ACOXL: variants seen among roughly 807,000 people sequenced by gnomAD.
The protein encoded by ACOXL is acyl-CoA oxidase like.
Under a neutral mutation model 71.9 loss-of-function variants are expected in ACOXL, and 70 were observed. That is an observed-to-expected ratio of 0.97 (90% confidence interval 0.80 to 1.19). ACOXL has a LOEUF of 1.19. ACOXL is among the 50% of genes most tolerant of loss of function. The pLI is 0.00. For missense variants in ACOXL, 703 were observed against 736.3 expected, an observed-to-expected ratio of 0.95 and a Z score of 0.52; for synonymous variants, 253 against 281.6, an observed-to-expected ratio of 0.90 and a Z score of 1.02.
At chr2:111,077,878 T>C (rs954580987) in intron 16 of ACOXL, among the ~76,000 whole-genome samples, 6 of 152,206 alleles carry the variant, frequency 3.9e-5, no homozygotes, top group South Asian at 2.1e-4. Context: ...GATTATGATG[T>C]GTCTAGGCAT....
At chr2:110,893,826 T>G (rs2058891387) in intron 10 of ACOXL, among the ~76,000 whole-genome samples, 1 of 152,192 alleles carries the variant, frequency 6.6e-6, no homozygotes. Context: ...TTGAGATGTC[T>G]GTAATTGTGC....
intron 10 of ACOXL, among the ~76,000 whole-genome samples, chr2:110,882,488 A>AT (rs997739048): frequency 6.6e-6 from 1 of 151,692 alleles, no homozygotes; most frequent in Non-Finnish European, 1.5e-5. Context: ...CCAACATATT[A>AT]TTTTTTTTCT....
At chr2:110,943,610 A>G (rs571514325) in intron 12 of ACOXL, among the ~76,000 whole-genome samples, 1 of 152,186 alleles carries the variant, frequency 6.6e-6, no homozygotes, top group Non-Finnish European at 1.5e-5. Flanking sequence ...GCATTTGCAC[A>G]CAGGTCCTAT....
intron 9 of ACOXL, 105 bp downstream of exon 9, chr2:110,805,500 A>G (rs1198207698): frequency 2.7e-6 from 4 of 1,502,526 alleles, no homozygotes; most frequent in African/African-American, 1.4e-5. Context: ...CAGTTGGTAT[A>G]ATATGGCCAG....
intron 10 of ACOXL, among the ~76,000 whole-genome samples, chr2:110,890,306 C>T (rs544519129): frequency 2.0e-3 from 295 of 151,094 alleles, no homozygotes; most frequent in African/African-American, 6.5e-3. Context: ...ATGACGACAT[C>T]CTTGGAAGCA....
chr2:110,903,086 C>T (rs1230558614), intron 10 of ACOXL, among the ~76,000 whole-genome samples: 1 of 152,186 alleles, frequency 6.6e-6, no homozygotes. Context: ...TCTCAGAGTC[C>T]AGGGTGAGGC....
chr2:111,036,190 G>T (rs2065502801), intron 15 of ACOXL, among the ~76,000 whole-genome samples: 2 of 152,234 alleles, frequency 1.3e-5, no homozygotes, highest in African/African-American at 4.8e-5. Context: ...TGGAGGCCTG[G>T]AGGGGAGGGG....
intron 16 of ACOXL, among the ~76,000 whole-genome samples, chr2:111,090,005 C>A (rs536375497): frequency 6.6e-4 from 101 of 152,302 alleles, no homozygotes; most frequent in Non-Finnish European, 1.1e-3. Flanking sequence ...GCTGATCATC[C>A]TGAAGGGTGG....
intron 10 of ACOXL, among the ~76,000 whole-genome samples, chr2:110,850,882 A>G (rs1339478132): frequency 4.6e-5 from 7 of 152,224 alleles, no homozygotes; most frequent in Admixed American, 3.3e-4. Context: ...TTCTCCATTC[A>G]TAATAGCCTC....
chr2:110,908,146 G>C (rs977505315), intron 10 of ACOXL, among the ~76,000 whole-genome samples: 8 of 152,142 alleles, frequency 5.3e-5, no homozygotes, highest in African/African-American at 1.7e-4. Context: ...TTTGTCCCTG[G>C]GCATTGCCTG....
intron 15 of ACOXL, among the ~76,000 whole-genome samples, chr2:111,039,289 C>T (rs946726433): frequency 3.9e-5 from 6 of 152,104 alleles, no homozygotes; most frequent in African/African-American, 1.4e-4. Flanking sequence ...TGCTTTGTCT[C>T]CTCTTTATGA....
chr2:111,013,215 A>G (rs1405437027), intron 14 of ACOXL, among the ~76,000 whole-genome samples: 1 of 152,198 alleles, frequency 6.6e-6, no homozygotes, highest in Non-Finnish European at 1.5e-5. Flanking sequence ...TACAGCTCTC[A>G]AAAGTTAACA....
chr2:110,861,812 T>C (rs1308462382), intron 10 of ACOXL, among the ~76,000 whole-genome samples: 1 of 152,304 alleles, frequency 6.6e-6, no homozygotes, highest in East Asian at 1.9e-4. Flanking sequence ...CTTGTGTTTG[T>C]TTAGCAGGAT....
At chr2:111,110,066 C>T (rs2069839830) in intron 17 of ACOXL, among the ~76,000 whole-genome samples, 1 of 152,174 alleles carries the variant, frequency 6.6e-6, no homozygotes, top group Non-Finnish European at 1.5e-5. Context: ...TCTAAGTCGG[C>T]TACTGATTGT....
At chr2:110,880,160 A>G (rs1414789767) in intron 10 of ACOXL, among the ~76,000 whole-genome samples, 1 of 151,222 alleles carries the variant, frequency 6.6e-6, no homozygotes, top group African/African-American at 2.4e-5. Flanking sequence ...AAACAAAAAA[A>G]AAAAAAAAAA....
chr2:110,768,068 GT>G (rs1283300887), intron 1 of ACOXL, among the ~76,000 whole-genome samples: 1 of 152,074 alleles, frequency 6.6e-6, no homozygotes, highest in African/African-American at 2.4e-5. Flanking sequence ...GGAGGCGGAG[GT>G]TGCAGTGAGC....
Position 111,118,071 on chromosome 2 carries a change from C to G in ACOXL, c.*255C>G, listed in dbSNP as rs1003213357. ...AAACCCAGCCTGGCCTGACTGCAAC[C>G]TCTCCCAACTTCAGTGCCGGATCCC... On this transcript the variant is annotated 3_prime_UTR_variant, in exon 18 of 18. Coordinates refer to ENST00000439055, the MANE Select transcript of ACOXL (RefSeq NM_001142807.4). 4 of 572,238 alleles carry G rather than the reference C, an allele frequency of 7.0e-6. No homozygotes were observed. Among genetic ancestry groups the G allele is most frequent in the Non-Finnish European group, 1.2e-5 (4 of 322,072 alleles). The allele number at this position is 572,238 out of a possible 1,614,324, so 35.4% of individuals were successfully genotyped here. A position where few individuals can be genotyped will look rare whatever the true frequency, so the allele number is the denominator to read the frequency against.
At chr2:110,800,998 C>T (rs951293597) in intron 7 of ACOXL, among the ~76,000 whole-genome samples, 1 of 152,170 alleles carries the variant, frequency 6.6e-6, no homozygotes, top group African/African-American at 2.4e-5. Context: ...TAAATAAAGA[C>T]ATTTACTAAA....
intron 12 of ACOXL, among the ~76,000 whole-genome samples, chr2:110,983,797 A>T (rs181305201): frequency 1.3e-5 from 2 of 152,146 alleles, no homozygotes; most frequent in African/African-American, 4.8e-5. Flanking sequence ...ATGAATAAAA[A>T]TTTTTTTGAA....
Sources: gnomAD v4.1 joint callset for allele counts (sites outside exome capture counted in the v4.1 genomes callset) on GRCh38, gnomAD v4.1.1 for gene constraint, MANE v1.5 for transcripts, NCBI Gene and HGNC (gene_info 2026-07-23, HGNC 2026-07-21) for gene names.